The following TSGA10 variants were observed in gnomAD, a reference collection of about 807,000 sequenced individuals.
TSGA10 encodes testis specific 10, also known as testis-specific gene 10 protein.
A neutral mutation model predicts 96.6 loss-of-function variants in TSGA10; 43 were observed. The ratio of observed to expected loss-of-function variants is 0.44; its 90% CI spans 0.35 to 0.57. TSGA10 has a LOEUF of 0.57. Among genes scored for constraint, TSGA10 ranks in the 20% least tolerant of loss-of-function variants. The pLI, the probability that TSGA10 is intolerant of heterozygous loss-of-function variation, is 0.01. For synonymous variants in TSGA10, 229 were observed against 269.9 expected (o/e 0.85, Z 1.48); for missense variants, 703 against 834.4 (o/e 0.84, Z 1.94).
intron 15 of TSGA10, among the ~76,000 whole-genome samples, chr2:99,068,347 A>T (rs2085508291): frequency 6.6e-6 from 1 of 152,202 alleles, no homozygotes; most frequent in African/African-American, 2.4e-5. Flanking sequence ...CCTAATAGAC[A>T]TATCTAAAAT....
chr2:99,015,839 T>C (rs1015965715), intron 20 of TSGA10, among the ~76,000 whole-genome samples: 1 of 152,152 alleles, frequency 6.6e-6, no homozygotes, highest in African/African-American at 2.4e-5. Context: ...AGCACTGCTA[T>C]ACACCAACAG....
intron 20 of TSGA10, among the ~76,000 whole-genome samples, chr2:98,998,732 T>C (rs1416303770): frequency 6.6e-6 from 1 of 152,094 alleles, no homozygotes; most frequent in Non-Finnish European, 1.5e-5. Context: ...ATCTAAAAAC[T>C]AGTGAAATCT....
At chr2:99,109,751 G>A (rs546736736) in intron 5 of TSGA10, among the ~76,000 whole-genome samples, 1 of 152,244 alleles carries the variant, frequency 6.6e-6, no homozygotes, top group African/African-American at 2.4e-5. Context: ...TTCTGGGTAT[G>A]CTATATTTTA....
intron 2 of TSGA10, among the ~76,000 whole-genome samples, chr2:99,122,644 A>C (rs2092633313): frequency 6.8e-6 from 1 of 146,802 alleles, no homozygotes; most frequent in South Asian, 2.1e-4. Flanking sequence ...AAAAAAAATC[A>C]GCCAACCATG....
chr2:99,116,616 T>C (rs2092281121), intron 4 of TSGA10, among the ~76,000 whole-genome samples: 1 of 151,392 alleles, frequency 6.6e-6, no homozygotes, highest in Non-Finnish European at 1.5e-5. Context: ...AAGAAAACTT[T>C]AGAAAGTATA....
intron 20 of TSGA10, among the ~76,000 whole-genome samples, chr2:99,006,855 T>C (rs895532831): frequency 3.9e-5 from 6 of 152,216 alleles, no homozygotes; most frequent in Non-Finnish European, 8.8e-5. Flanking sequence ...CGTATGTTTA[T>C]TGTGGCACTA....
At position 99,035,457 on chromosome 2, in the gene TSGA10, T is replaced by C. The variant is rs1246824062; in HGVS notation, c.1405-18A>G. The C allele has an allele frequency of 3.3e-6, 5 of 1,533,366 alleles. No homozygotes were observed. Among genetic ancestry groups the C allele is most frequent in the Non-Finnish European group, 4.5e-6 (5 of 1,118,734 alleles). The allele number at this position is 1,533,366 out of a possible 1,614,324, so 95.0% of individuals were successfully genotyped here. ...TTTAAGTGCTGTAAGAATAAAATTATATATATGTATGTATACATATATATT... is the reference window on the plus strand; with the variant it reads ...TTTAAGTGCTGTAAGAATAAAATTACATATATGTATGTATACATATATATT... On this transcript the variant is annotated intron_variant, in intron 16 of 20. Transcript: ENST00000393483.
Position 99,018,297 on chromosome 2 carries a change from G to A in TSGA10, c.1975C>T (p.His659Tyr), listed in dbSNP as rs1412784152. The change falls in exon 20 of 21, where the codon CAT becomes TAT. Residue 659 changes from histidine to tyrosine, a missense_variant. By Grantham distance (83) the His-to-Tyr change is moderately conservative. Transcript: ENST00000393483. ...TTTGGCTTCATTGTAGAACTCATATGATAAGCATTACTTGAATAATTTTGG... is the reference window on the plus strand; with the variant it reads ...TTTGGCTTCATTGTAGAACTCATATAATAAGCATTACTTGAATAATTTTGG... The part of the protein sequence containing the change: ...RRQNYSSNAY[H>Y]MSSTMKPNTK... 5.0e-6 allele frequency: 8 copies of A among 1,614,134 alleles called. No individual in the cohort carries two copies. Among genetic ancestry groups the A allele is most frequent in the Non-Finnish European group, 6.8e-6 (8 of 1,180,004 alleles).
At chr2:99,072,996 A>AT in intron 13 of TSGA10, 22 bp downstream of exon 13, 1 of 1,585,042 alleles carries the variant, frequency 6.3e-7, no homozygotes, top group Non-Finnish European at 8.6e-7. Context: ...GAGCTCATAT[A>AT]TTTGTTGCAC....
intron 20 of TSGA10, among the ~76,000 whole-genome samples, chr2:98,998,484 G>C (rs937463272): frequency 6.6e-6 from 1 of 152,138 alleles, no homozygotes; most frequent in Non-Finnish European, 1.5e-5. Flanking sequence ...GCATTATGCT[G>C]AATGAGAAAA....
intron 20 of TSGA10, among the ~76,000 whole-genome samples, chr2:99,009,076 T>C (rs2078763216): frequency 6.6e-6 from 1 of 152,098 alleles, no homozygotes; most frequent in Non-Finnish European, 1.5e-5. Flanking sequence ...TGCAGAGTGT[T>C]GACCTTCAAA....
intron 20 of TSGA10, among the ~76,000 whole-genome samples, chr2:99,008,699 A>T (rs1325732652): frequency 6.6e-6 from 1 of 152,234 alleles, no homozygotes; most frequent in Non-Finnish European, 1.5e-5. Context: ...ATACTGCAAC[A>T]TGAGAATACA....
chr2:99,023,361 G>A (rs550690587), intron 17 of TSGA10, among the ~76,000 whole-genome samples: 1 of 151,516 alleles, frequency 6.6e-6, no homozygotes, highest in South Asian at 2.1e-4. Context: ...CTTGTGCATC[G>A]TCTTGCCACT....
At chr2:99,082,423 G>C (rs924265119) in intron 10 of TSGA10, among the ~76,000 whole-genome samples, 1 of 152,044 alleles carries the variant, frequency 6.6e-6, no homozygotes, top group Non-Finnish European at 1.5e-5. Flanking sequence ...CCCCTTCCTC[G>C]AGGCTGAGAG....
chr2:99,122,342 CTACA>C (rs539109074), intron 2 of TSGA10, among the ~76,000 whole-genome samples: 122 of 152,130 alleles, frequency 8.0e-4, no homozygotes, highest in African/African-American at 2.9e-3. Flanking sequence ...TTATCATAGC[CTACA>C]TTTTAACAGT....
chr2:99,097,165 T>C (rs996888759), intron 10 of TSGA10, among the ~76,000 whole-genome samples: 2 of 152,206 alleles, frequency 1.3e-5, no homozygotes, highest in African/African-American at 4.8e-5. Context: ...TATACAATTG[T>C]GTACATTCAT....
At chr2:99,146,369 T>C (rs1050493006) in intron 1 of TSGA10, among the ~76,000 whole-genome samples, 4 of 152,248 alleles carry the variant, frequency 2.6e-5, no homozygotes, top group Non-Finnish European at 5.9e-5. Context: ...GTTCTCTTTT[T>C]ATTCCAGCCA....
intron 10 of TSGA10, among the ~76,000 whole-genome samples, chr2:99,101,163 G>T (rs1383395312): frequency 7.6e-6 from 1 of 130,876 alleles, no homozygotes; most frequent in Non-Finnish European, 1.6e-5. Context: ...AGAATGGCGT[G>T]AACCCGGGAA....
intron 5 of TSGA10, 67 bp from the exon 6 acceptor site, chr2:99,109,579 G>A: frequency 7.4e-7 from 1 of 1,350,010 alleles, no homozygotes; most frequent in South Asian, 2.0e-5. Context: ...GAAAAAATTA[G>A]ACCATTATTT....
Sources: allele counts gnomAD v4.1 joint callset (sites outside exome capture counted in the v4.1 genomes callset), GRCh38; gene constraint gnomAD v4.1.1; transcripts MANE v1.5; gene names NCBI Gene and HGNC (gene_info 2026-07-23, HGNC 2026-07-21).